Variants in FAM168A observed in about 807,000 individuals in gnomAD.
The protein encoded by FAM168A is family with sequence similarity 168 member A.
Under a neutral mutation model 28.5 loss-of-function variants are expected in FAM168A, and 3 were observed. That is an observed-to-expected ratio of 0.11 (90% CI 0.05 to 0.27). The LOEUF (loss-of-function observed/expected upper bound fraction) is 0.27, where lower values mean the gene tolerates loss of function less well. FAM168A is among the 10% of genes least tolerant of loss of function. FAM168A has a pLI of 1.00. For missense variants in FAM168A, 222 were observed against 311.5 expected (o/e 0.71, Z 2.16); for synonymous variants, 122 against 124.2 (o/e 0.98, Z 0.12).
At chr11:73,570,762 GA>G (rs958589199) in intron 1 of FAM168A, among the ~76,000 whole-genome samples, 3 of 149,186 alleles carry the variant, frequency 2.0e-5, no homozygotes, top group Admixed American at 2.0e-4. Context: ...GACAAGAAAA[GA>G]AAAAAAATAT....
chr11:73,586,200 T>C (rs1944312182), intron 1 of FAM168A, among the ~76,000 whole-genome samples: 1 of 152,146 alleles, frequency 6.6e-6, no homozygotes, highest in Non-Finnish European at 1.5e-5. Flanking sequence ...AGTCTGGGGA[T>C]TAAATCCCAC....
chr11:73,447,789 A>C (rs2134542088), intron 2 of FAM168A, among the ~76,000 whole-genome samples: 1 of 151,986 alleles, frequency 6.6e-6, no homozygotes, highest in South Asian at 2.1e-4. Context: ...GGTCTATCCA[A>C]GATAGACCCA....
chr11:73,452,317 C>T (rs1867445520), intron 2 of FAM168A: 1 of 152,308 alleles, frequency 6.6e-6, no homozygotes, highest in African/African-American at 2.4e-5. Flanking sequence ...TCTGGCAAAC[C>T]TCAAGTTATC....
chr11:73,560,961 C>T (rs1943950975), intron 1 of FAM168A, among the ~76,000 whole-genome samples: 1 of 150,468 alleles, frequency 6.6e-6, no homozygotes, highest in Non-Finnish European at 1.5e-5. Context: ...CTCAGGAGGC[C>T]GAGGCTGGGA....
chr11:73,507,776 C>G (rs1855143045), intron 1 of FAM168A, among the ~76,000 whole-genome samples: 1 of 152,156 alleles, frequency 6.6e-6, no homozygotes, highest in Admixed American at 6.5e-5. Context: ...TTATATGCCT[C>G]CCTCTGACCC....
chr11:73,542,665 C>A (rs1169509010), intron 1 of FAM168A, among the ~76,000 whole-genome samples: 1 of 152,152 alleles, frequency 6.6e-6, no homozygotes, highest in Non-Finnish European at 1.5e-5. Flanking sequence ...GAAAACCCTG[C>A]AATGAGTTAT....
intron 1 of FAM168A, among the ~76,000 whole-genome samples, chr11:73,488,123 G>A (rs1868077969): frequency 1.3e-5 from 2 of 149,976 alleles, no homozygotes; most frequent in African/African-American, 2.5e-5. Flanking sequence ...CTATTTTCAT[G>A]TGGGGCCTTT....
At chr11:73,542,555 CCT>C (rs1452041858) in intron 1 of FAM168A, among the ~76,000 whole-genome samples, 4 of 152,256 alleles carry the variant, frequency 2.6e-5, no homozygotes, top group African/African-American at 9.6e-5. Flanking sequence ...TGTAACAGCC[CCT>C]GCTTCTATCC....
chr11:73,455,597 T>C (rs562082518), intron 2 of FAM168A, among the ~76,000 whole-genome samples: 153 of 152,354 alleles, frequency 1.0e-3, no homozygotes, highest in Non-Finnish European at 1.9e-3. Flanking sequence ...AGATCTGTGC[T>C]GGTTAAGATG....
chr11:73,595,022 C>A (rs892729674), intron 1 of FAM168A, among the ~76,000 whole-genome samples: 1 of 152,076 alleles, frequency 6.6e-6, no homozygotes, highest in African/African-American at 2.4e-5. Context: ...TACAAAAACA[C>A]ATTACTACTA....
chr11:73,463,081 G>A (rs551697791), intron 2 of FAM168A, among the ~76,000 whole-genome samples: 4 of 151,988 alleles, frequency 2.6e-5, no homozygotes, highest in Admixed American at 2.0e-4. Flanking sequence ...CGATTCTCAT[G>A]CCTCAGCCTC....
At chr11:73,451,899 C>T (rs2134548113) in intron 2 of FAM168A, 1 of 152,368 alleles carries the variant, frequency 6.6e-6, no homozygotes. Flanking sequence ...AACATCCGAA[C>T]TTAGGCTTGA....
At chr11:73,484,253 T>A (rs1472138930) in intron 1 of FAM168A, among the ~76,000 whole-genome samples, 1 of 152,144 alleles carries the variant, frequency 6.6e-6, no homozygotes, top group African/African-American at 2.4e-5. Flanking sequence ...TTATTTATTA[T>A]CCCCGTTTTA....
intron 6 of FAM168A, among the ~76,000 whole-genome samples, chr11:73,409,223 C>T (rs996341971): frequency 2.0e-5 from 3 of 152,150 alleles, no homozygotes; most frequent in Non-Finnish European, 4.4e-5. Context: ...ATGCCATGTT[C>T]ATGTTCTTTC....
intron 1 of FAM168A, among the ~76,000 whole-genome samples, chr11:73,468,725 A>G (rs895388707): frequency 1.3e-5 from 2 of 152,226 alleles, no homozygotes; most frequent in Non-Finnish European, 2.9e-5. Flanking sequence ...CCTAATGTCA[A>G]CCTAGGCATT....
At chr11:73,551,335 C>T (rs1477994637) in intron 1 of FAM168A, among the ~76,000 whole-genome samples, 1 of 152,046 alleles carries the variant, frequency 6.6e-6, no homozygotes, top group East Asian at 1.9e-4. Flanking sequence ...GGTAGGGAGA[C>T]CAGCCAGGAA....
chr11:73,463,786 A>C (rs1268280824), intron 2 of FAM168A, among the ~76,000 whole-genome samples: 4 of 152,238 alleles, frequency 2.6e-5, no homozygotes, highest in Non-Finnish European at 5.9e-5. Context: ...GAAAGGGGTC[A>C]GGTGTCAAAT....
chr11:73,464,579 G>A (rs1032234697), intron 2 of FAM168A, among the ~76,000 whole-genome samples: 5 of 152,060 alleles, frequency 3.3e-5, no homozygotes, highest in African/African-American at 1.2e-4. Context: ...ATGAAGAGAA[G>A]GGAGAACACT....
chr11:73,480,664 G>A (rs533217), intron 1 of FAM168A, among the ~76,000 whole-genome samples: 74,231 of 151,880 alleles, frequency 0.49, 19,930 homozygotes, highest in African/African-American at 0.73. Context: ...TATAGCTTAT[G>A]AAGAGAGTGC....
Sources: gnomAD v4.1 joint callset for allele counts (sites outside exome capture counted in the v4.1 genomes callset) on GRCh38, gnomAD v4.1.1 for gene constraint, MANE v1.5 for transcripts, NCBI Gene and HGNC (gene_info 2026-07-23, HGNC 2026-07-21) for gene names.